Variants in MYH10 observed in about 807,000 individuals in gnomAD.
The protein encoded by MYH10 is myosin heavy chain 10, also known as myosin-10.
In MYH10, 55 loss-of-function variants were observed where a neutral mutation model predicts 257.8. That is an observed-to-expected ratio of 0.21 (90% CI 0.17 to 0.27). MYH10 has a LOEUF of 0.27. Among genes scored for constraint, MYH10 ranks in the 10% least tolerant of loss-of-function variants. The probability of loss-of-function intolerance (pLI) is 1.00; values close to 1 mark genes in which losing one functional copy is unlikely to be tolerated. For missense variants in MYH10, 1,631 were observed against 2,500.6 expected (o/e 0.65, Z 7.42); for synonymous variants, 854 against 921.7 (o/e 0.93, Z 1.33).
intron 7 of MYH10, among the ~76,000 whole-genome samples, chr17:8,562,793 CTTG>C (rs1234849587): frequency 6.6e-6 from 1 of 152,178 alleles, no homozygotes; most frequent in Non-Finnish European, 1.5e-5. Flanking sequence ...TCAAATATAA[CTTG>C]TTAAGGATTT....
At chr17:8,617,668 G>T (rs1251447606) in intron 2 of MYH10, among the ~76,000 whole-genome samples, 1 of 152,062 alleles carries the variant, frequency 6.6e-6, no homozygotes, top group Non-Finnish European at 1.5e-5. Flanking sequence ...ACATGTATAT[G>T]GCTGTTCATT....
At chr17:8,591,535 C>T (rs2084139626) in intron 3 of MYH10, among the ~76,000 whole-genome samples, 1 of 152,182 alleles carries the variant, frequency 6.6e-6, no homozygotes, top group Non-Finnish European at 1.5e-5. Flanking sequence ...CCCGAATTTT[C>T]CTGGTCTTAG....
intron 13 of MYH10, among the ~76,000 whole-genome samples, chr17:8,543,632 C>G (rs1438422896): frequency 6.6e-6 from 1 of 152,090 alleles, no homozygotes; most frequent in East Asian, 1.9e-4. Context: ...TGCCACCAAG[C>G]CCAGCTAATT....
Position 8,546,649 on chromosome 17 carries a change from G to A in MYH10, c.1173C>T (p.Leu391=). 6.2e-7 allele frequency: 1 copy of A among 1,613,570 alleles called. No homozygotes were observed. The highest frequency in any genetic ancestry group is 8.5e-7 in the Non-Finnish European group (1 of 1,179,604). ...SMPENTVAQK[L]CHLLGMNVME... ...TCACATTCATCCCAAGAAGATGGCAGAGCTTCTGCGCAACTGAAGTGTAAA... is the reference window on the plus strand; with the variant it reads ...TCACATTCATCCCAAGAAGATGGCAAAGCTTCTGCGCAACTGAAGTGTAAA... Residue 391 remains leucine (L), a synonymous_variant, in exon 12 of 43, where the codon CTC becomes CTT. Transcript: ENST00000360416.
rs1295076006 is a variant in MYH10 at position 8,552,827 on chromosome 17, T to C, written c.821-683A>G. The stretch of plus-strand genomic sequence containing the variant: ...TGCGGCCAGTACCTACGCCTGCTGC[T>C]ACCCACCCTGCCTGGGCTTCCCAGG... On this transcript the variant is annotated intron_variant, in intron 8 of 42. Coordinates refer to ENST00000360416, the MANE Select transcript of MYH10 (RefSeq NM_001256012.3). This position sits in a 1 kb window ranked among gnomAD's most constrained non-coding sequence, Gnocchi z 4.8. Among the ~76,000 whole-genome samples, 1 of 152,214 alleles carries C rather than the reference T, an allele frequency of 6.6e-6. No individual in the cohort carries two copies. The highest frequency in any genetic ancestry group is 1.5e-5 in the Non-Finnish European group (1 of 68,024).
Position 8,585,645 on chromosome 17 carries a change from T to C in MYH10, c.530+3436A>G, listed in dbSNP as rs141487466. 2.0e-4 allele frequency among the ~76,000 whole-genome samples: 31 copies of C among 152,146 alleles called. No individual in the cohort carries two copies. In the East Asian group the frequency reaches 5.4e-3, roughly 27 times the overall value. On this transcript the variant is annotated intron_variant, in intron 4 of 42. Coordinates refer to ENST00000360416, the MANE Select transcript of MYH10 (RefSeq NM_001256012.3). Reference sequence around the variant, plus strand: ...ATGAAAAGCTGTTACTAAATATCAGTGGTATCTAAAAAATTTTAAACTATA... The same window carrying C: ...ATGAAAAGCTGTTACTAAATATCAGCGGTATCTAAAAAATTTTAAACTATA...
At chr17:8,568,900 T>C (rs1211425254) in intron 7 of MYH10, among the ~76,000 whole-genome samples, 2 of 151,682 alleles carry the variant, frequency 1.3e-5, no homozygotes, top group Admixed American at 6.6e-5. Context: ...AAGTAAAGCT[T>C]TCAAGTTGAA....
At chr17:8,629,653 T>C (rs2085825691) in intron 1 of MYH10, among the ~76,000 whole-genome samples, 2 of 152,106 alleles carry the variant, frequency 1.3e-5, no homozygotes, top group South Asian at 4.1e-4. Flanking sequence ...GATCAGGGTG[T>C]GACCCCCAAC....
In MYH10 at chr17:8,490,168, C is replaced by T. The variant is rs1347944527; in HGVS notation, c.4884+172G>A. On this transcript the variant is annotated intron_variant, in intron 35 of 42. Coordinates refer to ENST00000360416, the MANE Select transcript of MYH10 (RefSeq NM_001256012.3). The surrounding 1 kb of genome is among the most constrained non-coding windows in gnomAD (Gnocchi z 4.1). ...GAAATAGTAAGACCTAAACTAATTA[C>T]AATAAAATTTAAATAATAAAATTCT... 5 of 603,594 alleles carry T rather than the reference C, an allele frequency of 8.3e-6. No homozygotes were observed. The highest frequency in any genetic ancestry group is 1.1e-5 in the Non-Finnish European group (4 of 347,856). The allele number at this position is 603,594 out of a possible 1,614,324, so 37.4% of individuals were successfully genotyped here. A position where few individuals can be genotyped will look rare whatever the true frequency, so the allele number is the denominator to read the frequency against.
At chr17:8,554,196 G>A in intron 7 of MYH10, 178 bp from the exon 8 acceptor site, 1 of 416,866 alleles carries the variant, frequency 2.4e-6, no homozygotes, top group Non-Finnish European at 4.3e-6. Context: ...CAAAAAAGTA[G>A]CAACAGAATA....
intron 2 of MYH10, among the ~76,000 whole-genome samples, chr17:8,610,306 C>CGG (rs2084983571): frequency 1.7e-5 from 1 of 58,556 alleles, no homozygotes; most frequent in East Asian, 5.3e-4. Context: ...TTGGGGGAAG[C>CGG]GGCCGGGCAT....
intron 21 of MYH10, among the ~76,000 whole-genome samples, chr17:8,515,600 T>A (rs2081442717): frequency 7.8e-6 from 1 of 128,400 alleles, no homozygotes; most frequent in Admixed American, 1.0e-4. Flanking sequence ...TGGAGTGCAG[T>A]GGTGCAATCT....
At chr17:8,479,550 C>T (rs969813293) in intron 40 of MYH10, among the ~76,000 whole-genome samples, 12 of 152,258 alleles carry the variant, frequency 7.9e-5, no homozygotes, top group Non-Finnish European at 1.6e-4. Context: ...GGGTTCTGGC[C>T]GCGAGCCCTG....
At chr17:8,524,449 C>CAAAA (rs541255427) in intron 17 of MYH10, among the ~76,000 whole-genome samples, 2 of 62,158 alleles carry the variant, frequency 3.2e-5, no homozygotes, top group African/African-American at 1.3e-4. Context: ...GACTCTGTCT[C>CAAAA]AAAAAAAAAA....
chr17:8,520,793 A>G, intron 19 of MYH10, 85 bp downstream of exon 19: 1 of 1,442,120 alleles, frequency 6.9e-7, no homozygotes, highest in Non-Finnish European at 9.3e-7. Flanking sequence ...GGACAAGGAA[A>G]AAGATTTCCT....
intron 3 of MYH10, among the ~76,000 whole-genome samples, chr17:8,590,378 T>C (rs1173051157): frequency 6.6e-6 from 1 of 151,996 alleles, no homozygotes; most frequent in Non-Finnish European, 1.5e-5. Flanking sequence ...AGTGGTGTGA[T>C]CTCAGCTCAC....
intron 21 of MYH10, among the ~76,000 whole-genome samples, chr17:8,515,415 G>A (rs1156571715): frequency 6.6e-6 from 1 of 151,552 alleles, no homozygotes; most frequent in Admixed American, 6.6e-5. Flanking sequence ...TACTGCCAAC[G>A]AATTCCTCCT....
In MYH10 at chr17:8,484,263, G is replaced by A. The variant is rs1286609111; in HGVS notation, c.5050C>T (p.Gln1684Ter). 1 of 1,606,626 alleles carries A rather than the reference G, an allele frequency of 6.2e-7. No homozygotes were observed. Among genetic ancestry groups the A allele is most frequent in the African/African-American group, 1.3e-5 (1 of 74,374 alleles). The change falls in exon 37 of 43, where the codon CAG becomes TAG. Residue 1684 changes from glutamine to a stop codon, truncating the protein, a stop_gained. Transcript: ENST00000360416. LOFTEE classifies it high-confidence loss of function. ...VIKQLRKLQA[Q>*]MKDYQRELEE... Reference sequence around the variant, plus strand: ...AATTCACGTTGGTAATCCTTCATCTGAGCCTAAGATTAAATAAGAAGGTTT... The same window carrying A: ...AATTCACGTTGGTAATCCTTCATCTAAGCCTAAGATTAAATAAGAAGGTTT...
intron 17 of MYH10, among the ~76,000 whole-genome samples, chr17:8,525,319 G>T (rs2081806226): frequency 6.6e-6 from 1 of 152,188 alleles, no homozygotes; most frequent in Non-Finnish European, 1.5e-5. Flanking sequence ...CACTGTTTCT[G>T]TGCTTCTTCT....
Sources: allele counts gnomAD v4.1 joint callset (sites outside exome capture counted in the v4.1 genomes callset), GRCh38; gene constraint gnomAD v4.1.1; non-coding constraint Gnocchi (gnomAD v3.1); transcripts MANE v1.5; gene names NCBI Gene and HGNC (gene_info 2026-07-23, HGNC 2026-07-21).